The following DOCK8 variants were observed in gnomAD, a reference collection of about 807,000 sequenced individuals.
The protein encoded by DOCK8 is dedicator of cytokinesis 8.
A neutral mutation model predicts 245.6 loss-of-function variants in DOCK8; 141 were observed. That is an observed-to-expected ratio of 0.57 (90% CI 0.50 to 0.66). DOCK8 has a LOEUF of 0.66. Ranked by LOEUF, DOCK8 falls within the 30% of genes least tolerant of loss-of-function variation. The pLI is 0.00. For synonymous variants in DOCK8, 1,168 were observed against 970.2 expected (o/e 1.20, Z -3.79); for missense variants, 2,965 against 2,603.4 (o/e 1.14, Z -3.02).
intron 26 of DOCK8, among the ~76,000 whole-genome samples, chr9:403,993 T>TATAC (rs2055297484): frequency 1.1e-5 from 1 of 90,780 alleles, no homozygotes; most frequent in African/African-American, 5.7e-5. Flanking sequence ...TATATATATG[T>TATAC]GTATATATAT....
intron 1 of DOCK8, among the ~76,000 whole-genome samples, chr9:229,559 A>G (rs892859406): frequency 1.3e-5 from 2 of 152,312 alleles, no homozygotes; most frequent in Non-Finnish European, 2.9e-5. Context: ...GAAAATTGCC[A>G]CATGTCCCCA....
Position 414,947 on chromosome 9 carries a change from T to C in DOCK8, c.3696T>C (p.Phe1232=). The change falls in exon 29 of 48, where the codon TTT becomes TTC. Residue 1232 remains phenylalanine, a synonymous_variant. Transcript: ENST00000432829. ...ATGCTTTGCCACAGCTCTGTGACTT[T>C]ACAGGTAATGGCCCTTCTGTTTTCT... The part of the protein sequence containing the change: ...ILDALPQLCD[F]TVADTRRYRT... 2 of 1,613,416 alleles carry C rather than the reference T, an allele frequency of 1.2e-6. No individual in the cohort carries two copies. Among genetic ancestry groups the C allele is most frequent in the Non-Finnish European group, 1.7e-6 (2 of 1,180,006 alleles).
rs778353126 is a variant in DOCK8, at chr9:386,374, G to A, written c.2822G>A (p.Gly941Asp). Residue 941 changes from glycine to aspartate, a missense_variant, in exon 23 of 48, where the codon GGC (glycine) becomes GAC (aspartate). Coordinates refer to ENST00000432829, the MANE Select transcript of DOCK8 (RefSeq NM_203447.4). ...NCSRMSYYCS[G>D]SSDAPSSPAA... is the part of the protein sequence containing the mutation. ...AGCCGAATGTCTTACTATTGCTCTG[G>A]CAGTAGTGATGCTCCAAGTTCACCT... 6.2e-7 allele frequency: 1 copy of A among 1,613,894 alleles called. No individual in the cohort carries two copies. Among genetic ancestry groups the A allele is most frequent in the Non-Finnish European group, 8.5e-7 (1 of 1,179,880 alleles).
chr9:217,264 C>G (rs1367607222), intron 1 of DOCK8, among the ~76,000 whole-genome samples: 1 of 152,152 alleles, frequency 6.6e-6, no homozygotes, highest in African/African-American at 2.4e-5. Flanking sequence ...GTCATTATCT[C>G]CATCATCACC....
chr9:363,214 G>A (rs543045705), intron 14 of DOCK8, among the ~76,000 whole-genome samples: 1 of 152,266 alleles, frequency 6.6e-6, no homozygotes, highest in Non-Finnish European at 1.5e-5. Context: ...CCACATTTGG[G>A]GAAAGATAAG....
intron 22 of DOCK8, among the ~76,000 whole-genome samples, chr9:384,175 C>G (rs2053847362): frequency 6.6e-6 from 1 of 152,068 alleles, no homozygotes; most frequent in Non-Finnish European, 1.5e-5. Flanking sequence ...TGTAGATTGT[C>G]TCTCATTAGG....
At chr9:419,360 G>C (rs1034871867) in intron 30 of DOCK8, among the ~76,000 whole-genome samples, 2 of 152,140 alleles carry the variant, frequency 1.3e-5, no homozygotes, top group Non-Finnish European at 2.9e-5. Flanking sequence ...CTTACTGTTG[G>C]AGAAATATTG....
chr9:226,741 A>G lies in DOCK8; in HGVS notation c.53+11712A>G, dbSNP rs75257959. 9.5e-3 allele frequency among the ~76,000 whole-genome samples: 1,447 copies of G among 152,334 alleles called. 17 individuals carry two copies. Among genetic ancestry groups the G allele is most frequent in the African/African-American group, 0.033 (1,374 of 41,574 alleles). On this transcript the variant is annotated intron_variant, in intron 1 of 47. Transcript: ENST00000432829. The stretch of plus-strand genomic sequence containing the variant: ...GTGAATCAAGGGTTTAACTGGGGAC[A>G]TATGGAGTCTAAGATGCATGTTAGA...
intron 39 of DOCK8, 135 bp from the exon 40 acceptor site, chr9:439,110 A>G: frequency 8.9e-7 from 1 of 1,125,020 alleles, no homozygotes; most frequent in Non-Finnish European, 1.3e-6. Flanking sequence ...TCGGGGTAGA[A>G]TTACAGACCT....
At chr9:377,665 A>G (rs545210589) in intron 20 of DOCK8, among the ~76,000 whole-genome samples, 39 of 152,340 alleles carry the variant, frequency 2.6e-4, no homozygotes, top group African/African-American at 9.4e-4. Context: ...TGTATAGTTC[A>G]TTGGTTTTTA....
At chr9:418,830 T>C (rs79671124) in intron 30 of DOCK8, among the ~76,000 whole-genome samples, 3,618 of 152,094 alleles carry the variant, frequency 0.024, 135 homozygotes, top group African/African-American at 0.081. Context: ...TCTCTGAGGG[T>C]GGAGGCTTAG....
At chr9:250,912 G>A (rs2047630390) in intron 1 of DOCK8, among the ~76,000 whole-genome samples, 1 of 152,148 alleles carries the variant, frequency 6.6e-6, no homozygotes, top group Non-Finnish European at 1.5e-5. Flanking sequence ...AGGAGTGAGA[G>A]GGACTGAAGG....
chr9:421,037 G>A lies in DOCK8; in HGVS notation c.4112G>A (p.Gly1371Glu). 3.1e-6 allele frequency: 5 copies of A among 1,614,198 alleles called. No homozygotes were observed. The change falls in exon 32 of 48, where the codon GGG becomes GAG. Residue 1371 changes from glycine to glutamate, a missense_variant. Gly to Glu is a moderately conservative substitution (Grantham distance 98). This residue lies in a region of DOCK8 where 2,825 missense variants were observed against 2,453.5 expected (regional missense o/e 1.15). Transcript: ENST00000432829. Reference protein sequence around the residue: ...KARLEEALLRGEGARGEMMRR... With the variant: ...KARLEEALLREEGARGEMMRR... ...CGGCTGGAAGAGGCTTTGCTCCGTG[G>A]GGAAGGGGCCAGAGGGGAGATGATG...
In DOCK8 at chr9:407,170, T is replaced by G. The variant is rs1450924377; in HGVS notation, c.3530+101T>G. ...TCTCACACTTGGTAAAAAACTCTAC[T>G]GTAGTTGACCAGTTCTGAGGAGTAG... is the stretch of plus-strand genomic sequence containing the variant. On this transcript the variant is annotated intron_variant, in intron 28 of 47. Transcript: ENST00000432829. 2.6e-6 allele frequency: 4 copies of G among 1,542,442 alleles called. No individual in the cohort carries two copies. In the East Asian group the frequency reaches 7.0e-5, roughly 27 times the overall value.
At chr9:239,184 C>T (rs912479682) in intron 1 of DOCK8, among the ~76,000 whole-genome samples, 1 of 152,174 alleles carries the variant, frequency 6.6e-6, no homozygotes, top group Admixed American at 6.5e-5. Context: ...CAAAATTTAT[C>T]CCTCTGAAAC....
chr9:391,025 C>T (rs185390835), intron 24 of DOCK8, among the ~76,000 whole-genome samples: 1 of 152,168 alleles, frequency 6.6e-6, no homozygotes, highest in Non-Finnish European at 1.5e-5. Context: ...GTTTTCCTCC[C>T]TCTCTAACCT....
intron 4 of DOCK8, among the ~76,000 whole-genome samples, chr9:303,789 C>T (rs1459343658): frequency 6.6e-6 from 1 of 152,038 alleles, no homozygotes; most frequent in African/African-American, 2.4e-5. Context: ...TCCCTTGAAC[C>T]TAAAATAAAA....
In DOCK8 at chr9:396,351, T is replaced by C. The variant is rs373858286; in HGVS notation, c.2971-434T>C. Among the ~76,000 whole-genome samples, 362 of 152,298 alleles carry C rather than the reference T, an allele frequency of 2.4e-3. 3 individuals carry two copies. Among genetic ancestry groups the C allele is most frequent in the East Asian group, 1.2e-3 (6 of 5,184 alleles). On this transcript the variant is annotated intron_variant, in intron 24 of 47. Transcript: ENST00000432829. The stretch of plus-strand genomic sequence containing the variant: ...TTCTCCCACGTTCTCCTTACTGTAG[T>C]TTCAGGAACAGAAAAGACTTTAGTT...
At chr9:224,833 A>G (rs1219409207) in intron 1 of DOCK8, among the ~76,000 whole-genome samples, 1 of 152,194 alleles carries the variant, frequency 6.6e-6, no homozygotes, top group Non-Finnish European at 1.5e-5. Flanking sequence ...AGAAAAACTC[A>G]GGCTCAAAGT....
Sources: allele counts gnomAD v4.1 joint callset (sites outside exome capture counted in the v4.1 genomes callset), GRCh38; gene constraint gnomAD v4.1.1; regional missense constraint gnomAD v4.1.1; transcripts MANE v1.5; gene names NCBI Gene and HGNC (gene_info 2026-07-23, HGNC 2026-07-21).